LLGL1: variants seen among roughly 807,000 people sequenced by gnomAD.
LLGL1 encodes LLGL scribble cell polarity complex component 1.
A neutral mutation model predicts 110.6 loss-of-function variants in LLGL1; 58 were observed. That is an observed-to-expected ratio of 0.52 (90% CI 0.42 to 0.65). The LOEUF is 0.65. LLGL1 is among the 30% of genes least tolerant of loss of function. The probability of loss-of-function intolerance (pLI) is 0.00; values close to 1 mark genes in which losing one functional copy is unlikely to be tolerated. For missense variants in LLGL1, 1,229 were observed against 1,462.1 expected, an observed-to-expected ratio of 0.84 and a Z score of 2.60; for synonymous variants, 674 against 607.2, an observed-to-expected ratio of 1.11 and a Z score of -1.62.
At chr17:18,242,709 G>A (rs901567159) in intron 21 of LLGL1, 34 bp from the exon 22 acceptor site, 10 of 1,280,696 alleles carry the variant, frequency 7.8e-6, no homozygotes, top group East Asian at 2.5e-5. Context: ...GGGCTCCCCC[G>A]CCCCCACCCC....
chr17:18,230,191 G>C (rs1039060653), intron 2 of LLGL1, among the ~76,000 whole-genome samples, 153 bp downstream of exon 2: 1 of 152,186 alleles, frequency 6.6e-6, no homozygotes, highest in South Asian at 2.1e-4. Context: ...GGAGGTTGGC[G>C]TGGCTTCTGT....
At position 18,241,532 on chromosome 17, in the gene LLGL1, C is replaced by T. The variant is rs113113427; in HGVS notation, c.2584C>T (p.Leu862=). ...HEGCRVRKVA[L]ATFASVACED... is the part of the protein sequence containing the mutation. ...GGGCTGTCGTGTGCGCAAGGTGGCA[C>T]TGGCCACGTTTGCCAGTGTGGCCTG... Residue 862 remains leucine, a synonymous_variant, in exon 18 of 23, where the codon CTG becomes TTG. Transcript: ENST00000316843. 9 of 1,613,744 alleles carry T rather than the reference C, an allele frequency of 5.6e-6. No individual in the cohort carries two copies. The African/African-American group carries it at 1.1e-4, about 19-fold the overall frequency.
intron 16 of LLGL1, 43 bp downstream of exon 16, chr17:18,238,652 G>T (rs894618381): frequency 4.4e-6 from 7 of 1,573,090 alleles, no homozygotes; most frequent in Middle Eastern, 2.1e-4. Context: ...GGGTTGGGGG[G>T]GCTGGCCTCA....
In LLGL1 at chr17:18,234,171, A is replaced by T. The variant is rs775727708; in HGVS notation, c.710A>T (p.Asn237Ile). The T allele has an allele frequency of 1.5e-5, 24 of 1,601,076 alleles. No homozygotes were observed. Among genetic ancestry groups the T allele is most frequent in the Non-Finnish European group, 2.0e-5 (24 of 1,171,326 alleles). ...SQCVDHIFLG[N>I]QQLESLCWGR... ...TGTGTGGACCACATCTTCCTGGGGA[A>T]CCAGGTATGTAGGTGAGGCCTGTGT... Residue 237 changes from asparagine to isoleucine, a missense_variant, in exon 6 of 23, where the codon AAC (asparagine) becomes ATC (isoleucine). Coordinates refer to ENST00000316843, the MANE Select transcript of LLGL1 (RefSeq NM_004140.4).
chr17:18,231,940 G>A (rs185730954), intron 2 of LLGL1, among the ~76,000 whole-genome samples: 7 of 152,260 alleles, frequency 4.6e-5, no homozygotes, highest in Admixed American at 2.6e-4. Context: ...TTACAGGAGC[G>A]AGCCACCGTG....
chr17:18,236,660 C>T lies in LLGL1; in HGVS notation c.1406C>T (p.Pro469Leu), dbSNP rs544675510. The stretch of plus-strand genomic sequence containing the variant: ...GATGCCTCGGGTGTGGCGCTGCGGC[C>T]GCTCTATAAGCTGAGCACAGCTGGC... ...FWDASGVALR[P>L]LYKLSTAGLF... is the part of the protein sequence containing the mutation. Residue 469 changes from proline (P) to leucine (L), a missense_variant, in exon 12 of 23, where the codon CCG (proline) becomes CTG (leucine). By Grantham distance (98) the Pro-to-Leu change is moderately conservative. Transcript: ENST00000316843. 5.0e-5 allele frequency: 80 copies of T among 1,612,904 alleles called. No homozygotes were observed. The highest frequency in any genetic ancestry group is 4.9e-4 in the South Asian group (45 of 91,080).
At chr17:18,231,297 C>T (rs2047561799) in intron 2 of LLGL1, among the ~76,000 whole-genome samples, 2 of 152,224 alleles carry the variant, frequency 1.3e-5, no homozygotes, top group South Asian at 4.1e-4. Context: ...GCCCCATCTC[C>T]TTGACGACCC....
chr17:18,239,586 G>A (rs190256505), intron 16 of LLGL1, among the ~76,000 whole-genome samples: 118 of 152,238 alleles, frequency 7.8e-4, no homozygotes, highest in Non-Finnish European at 1.5e-3. Flanking sequence ...GTCACTGACA[G>A]CCACTGCTCA....
intron 1 of LLGL1, among the ~76,000 whole-genome samples, chr17:18,227,846 G>A (rs1467807190): frequency 1.3e-5 from 2 of 152,226 alleles, no homozygotes; most frequent in Non-Finnish European, 2.9e-5. Context: ...GGAAAGTGGG[G>A]TGGTCTTGGG....
Position 18,234,149 on chromosome 17 carries a change from G to A in LLGL1, c.688G>A (p.Val230Met), listed in dbSNP as rs749760771. 10 of 1,608,154 alleles carry A rather than the reference G, an allele frequency of 6.2e-6. No homozygotes were observed. Among genetic ancestry groups the A allele is most frequent in the Non-Finnish European group, 8.5e-6 (10 of 1,176,452 alleles). ...CATCTGGAACCAGGCCTCGCAGTGT[G>A]TGGACCACATCTTCCTGGGGAACCA... ...LVIWNQASQC[V>M]DHIFLGNQQL... The change falls in exon 6 of 23, where the codon GTG becomes ATG. Residue 230 changes from valine (V) to methionine (M), a missense_variant. Transcript: ENST00000316843.
intron 4 of LLGL1, 136 bp from the exon 5 acceptor site, chr17:18,233,642 G>A: frequency 1.2e-6 from 1 of 823,232 alleles, no homozygotes; most frequent in Non-Finnish European, 1.9e-6. Flanking sequence ...TGTCTTCCTG[G>A]GGTGGCTCTG....
At position 18,235,765 on chromosome 17, in the gene LLGL1, G is replaced by A. The variant is rs978110289; in HGVS notation, c.1352+228G>A. The A allele has an allele frequency of 3.6e-5, 20 of 556,716 alleles. No individual in the cohort carries two copies. In the East Asian group the frequency reaches 6.1e-4, roughly 17 times the overall value. The allele number at this position is 556,716 out of a possible 1,614,324, so 34.5% of individuals were successfully genotyped here. On this transcript the variant is annotated intron_variant, in intron 11 of 22. Transcript: ENST00000316843. ...GGAACTGAGCTCTACCAAACCCCAG[G>A]GCTCCACCCGCCCAGCCTGCCTGCC... is the stretch of plus-strand genomic sequence containing the variant.
In LLGL1 at chr17:18,244,165, A is replaced by C. The variant is rs1423768563; in HGVS notation, c.*259A>C. The stretch of plus-strand genomic sequence containing the variant: ...GGGCCCACTGCCTAGGGAAGAGGAC[A>C]GGTGGGGCCCAGCACCTGTGCCACC... On this transcript the variant is annotated 3_prime_UTR_variant, in exon 23 of 23. Coordinates refer to ENST00000316843, the MANE Select transcript of LLGL1 (RefSeq NM_004140.4). The C allele has an allele frequency of 2.0e-5, 3 of 151,888 alleles. No individual in the cohort carries two copies. Among genetic ancestry groups the C allele is most frequent in the African/African-American group, 7.3e-5 (3 of 41,318 alleles). The allele number at this position is 151,888 out of a possible 1,614,324, so 9.4% of individuals were successfully genotyped here.
intron 11 of LLGL1, chr17:18,235,808 G>A: frequency 4.0e-6 from 2 of 498,168 alleles, no homozygotes; most frequent in South Asian, 4.8e-5. Context: ...TGGAAAATCT[G>A]GGCTGGCCCA....
rs756991504 is a variant in LLGL1, at chr17:18,234,023, G to A, written c.562G>A (p.Asp188Asn). 37 of 1,593,340 alleles carry A rather than the reference G, an allele frequency of 2.3e-5. No homozygotes were observed. The highest frequency in any genetic ancestry group is 4.0e-5 in the African/African-American group (3 of 74,616). ...PGEVLRSVPD[D>N]YRCGKALGPV... ...TGCCTTCCTCCACAGCGTGCCAGAC[G>A]ACTACCGCTGTGGGAAGGCACTGGG... The change falls in exon 6 of 23, where the codon GAC becomes AAC. Residue 188 changes from aspartate (D) to asparagine (N), a missense_variant. Transcript: ENST00000316843.
At chr17:18,226,586 C>T (rs1215156111) in intron 1 of LLGL1, among the ~76,000 whole-genome samples, 2 of 152,266 alleles carry the variant, frequency 1.3e-5, no homozygotes, top group East Asian at 3.8e-4. Context: ...ATCGTGGGGC[C>T]TCAGTTTCCC....
At chr17:18,237,794 T>C (rs748010520) in intron 14 of LLGL1, 21 bp downstream of exon 14, 1 of 1,586,136 alleles carries the variant, frequency 6.3e-7, no homozygotes, top group Admixed American at 1.7e-5. Flanking sequence ...TGGGGCCGGC[T>C]GGGCAGTTGG....
chr17:18,241,326 G>T, intron 17 of LLGL1, 125 bp from the exon 18 acceptor site: 1 of 1,269,304 alleles, frequency 7.9e-7, no homozygotes. Context: ...GTACAGGCAC[G>T]GGAGGCCACG....
intron 2 of LLGL1, among the ~76,000 whole-genome samples, chr17:18,231,175 C>T (rs930604586): frequency 6.6e-6 from 1 of 152,152 alleles, no homozygotes; most frequent in Non-Finnish European, 1.5e-5. Context: ...GCCCGGGGTC[C>T]TCTTCCCTTT....
Sources: allele counts gnomAD v4.1 joint callset (sites outside exome capture counted in the v4.1 genomes callset), GRCh38; gene constraint gnomAD v4.1.1; transcripts MANE v1.5; gene names NCBI Gene and HGNC (gene_info 2026-07-23, HGNC 2026-07-21).